The following CNTNAP2 variants were observed in gnomAD, a reference collection of about 807,000 sequenced individuals.
CNTNAP2 encodes contactin-associated protein-like 2.
A neutral mutation model predicts 155.2 loss-of-function variants in CNTNAP2; 98 were observed. The observed-to-expected ratio is 0.63, with a 90% CI of 0.54 to 0.75. The LOEUF is 0.75. Among genes scored for constraint, CNTNAP2 ranks in the 30% least tolerant of loss-of-function variants. The probability of loss-of-function intolerance (pLI) is 0.00; values close to 1 mark genes in which losing one functional copy is unlikely to be tolerated. For synonymous variants in CNTNAP2, 651 were observed against 631.2 expected (o/e 1.03, Z -0.47); for missense variants, 1,727 against 1,688.1 (o/e 1.02, Z -0.40).
At chr7:147,816,944 G>A (rs1272639299) in intron 13 of CNTNAP2, among the ~76,000 whole-genome samples, 1 of 152,142 alleles carries the variant, frequency 6.6e-6, no homozygotes, top group East Asian at 1.9e-4. Flanking sequence ...TTAAGATAAT[G>A]TAACATAAAG....
chr7:146,662,417 G>A (rs1451243510), intron 1 of CNTNAP2, among the ~76,000 whole-genome samples: 1 of 152,088 alleles, frequency 6.6e-6, no homozygotes, highest in African/African-American at 2.4e-5. Flanking sequence ...GATTGCAGGC[G>A]TCAGCCACTG....
intron 1 of CNTNAP2, among the ~76,000 whole-genome samples, chr7:146,201,613 CAG>C (rs1173908466): frequency 6.7e-6 from 1 of 150,260 alleles, no homozygotes; most frequent in Non-Finnish European, 1.5e-5. Flanking sequence ...CCAAATGAAA[CAG>C]AACTTTTTTT....
chr7:147,012,757 G>T (rs953834287), intron 3 of CNTNAP2, among the ~76,000 whole-genome samples: 4 of 152,106 alleles, frequency 2.6e-5, no homozygotes, highest in Non-Finnish European at 4.4e-5. Context: ...TAATTAGATT[G>T]AATGTTTTGA....
chr7:146,431,190 G>A (rs1718084), intron 1 of CNTNAP2, among the ~76,000 whole-genome samples: 5,412 of 151,968 alleles, frequency 0.036, 344 homozygotes, highest in African/African-American at 0.12. Flanking sequence ...TTCTAGTAAG[G>A]TTTGCTCCAT....
intron 13 of CNTNAP2, among the ~76,000 whole-genome samples, chr7:147,825,349 C>G (rs1798429767): frequency 6.6e-6 from 1 of 152,152 alleles, no homozygotes; most frequent in African/African-American, 2.4e-5. Flanking sequence ...GGGGCAAGCC[C>G]TTCTGCTCTA....
chr7:147,001,345 A>G (rs1798418013), intron 3 of CNTNAP2, among the ~76,000 whole-genome samples: 1 of 151,974 alleles, frequency 6.6e-6, no homozygotes, highest in Non-Finnish European at 1.5e-5. Context: ...ACTATTCTTA[A>G]TGTCCTTTTT....
chr7:148,173,799 G>T (rs145075729), intron 18 of CNTNAP2, among the ~76,000 whole-genome samples: 202 of 152,322 alleles, frequency 1.3e-3, no homozygotes, highest in African/African-American at 4.7e-3. Context: ...TGTGCTTGAT[G>T]CTAATTTAAT....
chr7:148,370,956 A>G (rs1027749633), intron 21 of CNTNAP2, among the ~76,000 whole-genome samples: 2 of 152,106 alleles, frequency 1.3e-5, no homozygotes, highest in African/African-American at 4.8e-5. Flanking sequence ...CACCGTCTCA[A>G]GCATGGTGCC....
intron 1 of CNTNAP2, among the ~76,000 whole-genome samples, chr7:146,724,843 A>G (rs1046092569): frequency 2.6e-5 from 4 of 152,124 alleles, no homozygotes; most frequent in African/African-American, 9.7e-5. Context: ...TGGTGGGATT[A>G]CAGGCGTGAG....
intron 1 of CNTNAP2, among the ~76,000 whole-genome samples, chr7:146,132,102 G>A (rs747009149): frequency 1.4e-4 from 21 of 152,246 alleles, no homozygotes; most frequent in Non-Finnish European, 2.8e-4. Context: ...TACAGAATCT[G>A]TAATAAACTC....
At chr7:148,363,815 G>A (rs1353328228) in intron 21 of CNTNAP2, among the ~76,000 whole-genome samples, 3 of 150,430 alleles carry the variant, frequency 2.0e-5, no homozygotes, top group African/African-American at 7.3e-5. Context: ...GGGAGGTGTG[G>A]AGGGAGAGGC....
intron 1 of CNTNAP2, among the ~76,000 whole-genome samples, chr7:146,409,236 G>T (rs970303735): frequency 6.6e-6 from 1 of 151,968 alleles, no homozygotes; most frequent in Admixed American, 6.6e-5. Context: ...AATATCTAAA[G>T]GTATAAGTCA....
At chr7:147,324,102 G>A (rs1795407621) in intron 9 of CNTNAP2, among the ~76,000 whole-genome samples, 1 of 151,998 alleles carries the variant, frequency 6.6e-6, no homozygotes, top group South Asian at 2.1e-4. Flanking sequence ...AGAGGCCAGA[G>A]AAAGTATCTT....
At chr7:146,505,448 C>T (rs1036444926) in intron 1 of CNTNAP2, among the ~76,000 whole-genome samples, 2 of 152,232 alleles carry the variant, frequency 1.3e-5, no homozygotes, top group Admixed American at 1.3e-4. Context: ...GGTACCACAA[C>T]TTTTCAGCAC....
intron 12 of CNTNAP2, among the ~76,000 whole-genome samples, chr7:147,589,989 T>C (rs1401013362): frequency 1.3e-5 from 2 of 152,182 alleles, no homozygotes; most frequent in Non-Finnish European, 2.9e-5. Flanking sequence ...TCTATGGGCC[T>C]CATATGGTTT....
At chr7:148,163,188 G>T (rs1224141616) in intron 17 of CNTNAP2, among the ~76,000 whole-genome samples, 1 of 152,156 alleles carries the variant, frequency 6.6e-6, no homozygotes, top group East Asian at 1.9e-4. Context: ...TAGTAAGAGT[G>T]CAGGCTTAAA....
chr7:148,101,811 C>A (rs1482168771), intron 15 of CNTNAP2, among the ~76,000 whole-genome samples: 2 of 152,168 alleles, frequency 1.3e-5, no homozygotes, highest in East Asian at 3.8e-4. Context: ...GCGTAACCCA[C>A]AGCACCATGC....
chr7:146,958,724 CT>C (rs780424633), intron 3 of CNTNAP2, among the ~76,000 whole-genome samples: 3 of 151,848 alleles, frequency 2.0e-5, no homozygotes, highest in African/African-American at 4.8e-5. Context: ...ATTTTTATGT[CT>C]TTTAAGCTCC....
chr7:148,396,753 T>C (rs1799476519), intron 22 of CNTNAP2, among the ~76,000 whole-genome samples: 1 of 152,246 alleles, frequency 6.6e-6, no homozygotes, highest in Non-Finnish European at 1.5e-5. Flanking sequence ...TATTCAGAAA[T>C]TCTAAAGACG....
Sources: allele counts gnomAD v4.1 joint callset (sites outside exome capture counted in the v4.1 genomes callset), GRCh38; gene constraint gnomAD v4.1.1; transcripts MANE v1.5; gene names NCBI Gene and HGNC (gene_info 2026-07-23, HGNC 2026-07-21).